Variants in LUZP2 observed in about 807,000 individuals in gnomAD.
The protein encoded by LUZP2 is leucine zipper protein 2.
Under a neutral mutation model 51.6 loss-of-function variants are expected in LUZP2, and 52 were observed. The ratio of observed to expected loss-of-function variants is 1.01; its 90% CI spans 0.81 to 1.27. The LOEUF (loss-of-function observed/expected upper bound fraction) is 1.27. Among genes scored for constraint, LUZP2 ranks in the 50% most tolerant of loss-of-function variants. The pLI, the probability that LUZP2 is intolerant of heterozygous loss-of-function variation, is 0.00. For missense variants in LUZP2, 436 were observed against 395.4 expected (o/e 1.10, Z -0.87); for synonymous variants, 154 against 137.3 (o/e 1.12, Z -0.85).
At chr11:24,566,224 A>C (rs1852207718) in intron 1 of LUZP2, among the ~76,000 whole-genome samples, 1 of 151,624 alleles carries the variant, frequency 6.6e-6, no homozygotes, top group Admixed American at 6.6e-5. Context: ...ACTGTATTAA[A>C]AAATTAAAGA....
chr11:24,829,941 C>T (rs1274745204), intron 5 of LUZP2, among the ~76,000 whole-genome samples: 3 of 152,134 alleles, frequency 2.0e-5, no homozygotes, highest in Admixed American at 6.5e-5. Context: ...GTACTCCCTG[C>T]TGTCTGTGTT....
At chr11:25,055,278 G>T (rs948529615) in intron 10 of LUZP2, among the ~76,000 whole-genome samples, 14 of 151,918 alleles carry the variant, frequency 9.2e-5, no homozygotes, top group Admixed American at 7.2e-4. Flanking sequence ...CAAAGTGCTG[G>T]GATTACAGGC....
At chr11:24,845,074 T>C (rs948722878) in intron 5 of LUZP2, among the ~76,000 whole-genome samples, 3 of 152,034 alleles carry the variant, frequency 2.0e-5, no homozygotes, top group African/African-American at 7.2e-5. Flanking sequence ...GACCTTAGAT[T>C]GGTAGATCCA....
chr11:24,626,008 C>G (rs972667299), intron 1 of LUZP2, among the ~76,000 whole-genome samples: 3 of 152,022 alleles, frequency 2.0e-5, no homozygotes, highest in Non-Finnish European at 4.4e-5. Flanking sequence ...ATAAGGGCTG[C>G]CACTTACTAA....
At chr11:24,714,825 C>T (rs959924071) in intron 1 of LUZP2, among the ~76,000 whole-genome samples, 5 of 152,124 alleles carry the variant, frequency 3.3e-5, no homozygotes, top group African/African-American at 1.2e-4. Context: ...GGAGGCATCA[C>T]CTTCTGTGCA....
intron 1 of LUZP2, among the ~76,000 whole-genome samples, chr11:24,711,109 A>C (rs996030114): frequency 2.0e-5 from 3 of 152,180 alleles, no homozygotes; most frequent in Admixed American, 1.3e-4. Flanking sequence ...TTCAAGGGCA[A>C]GCCAGAATTC....
At chr11:24,875,755 C>G (rs1040837419) in intron 5 of LUZP2, among the ~76,000 whole-genome samples, 3 of 152,168 alleles carry the variant, frequency 2.0e-5, no homozygotes, top group Non-Finnish European at 4.4e-5. Context: ...CAAATCCTCT[C>G]CAGCACCTGT....
chr11:24,777,187 G>A (rs1342045954), intron 5 of LUZP2, among the ~76,000 whole-genome samples: 1 of 151,944 alleles, frequency 6.6e-6, no homozygotes, highest in Non-Finnish European at 1.5e-5. Context: ...TAGATTCGGG[G>A]TTTCACCGTG....
At chr11:24,855,085 C>T (rs535796102) in intron 5 of LUZP2, among the ~76,000 whole-genome samples, 2 of 152,138 alleles carry the variant, frequency 1.3e-5, no homozygotes, top group Non-Finnish European at 2.9e-5. Flanking sequence ...GGTGATCTTC[C>T]GTTCTCGCCA....
At chr11:25,066,960 A>T (rs1859012894) in intron 10 of LUZP2, among the ~76,000 whole-genome samples, 1 of 152,000 alleles carries the variant, frequency 6.6e-6, no homozygotes, top group East Asian at 1.9e-4. Flanking sequence ...TGAGACATTG[A>T]ACCTACATAT....
At chr11:24,602,282 A>G (rs1367442904) in intron 1 of LUZP2, among the ~76,000 whole-genome samples, 2 of 140,800 alleles carry the variant, frequency 1.4e-5, no homozygotes, top group African/African-American at 2.9e-5. Flanking sequence ...ACATATATAC[A>G]CACATATATA....
At chr11:24,610,303 G>A (rs1207826785) in intron 1 of LUZP2, among the ~76,000 whole-genome samples, 2 of 152,108 alleles carry the variant, frequency 1.3e-5, no homozygotes, top group African/African-American at 4.8e-5. Flanking sequence ...AAACATCTAG[G>A]ACTGAAGAAA....
intron 1 of LUZP2, among the ~76,000 whole-genome samples, chr11:24,571,209 T>C (rs1379952495): frequency 7.9e-6 from 1 of 126,408 alleles, no homozygotes; most frequent in African/African-American, 3.1e-5. Flanking sequence ...TGAAAGCACT[T>C]GATCAAAGGA....
At chr11:24,871,699 T>C (rs1852079949) in intron 5 of LUZP2, among the ~76,000 whole-genome samples, 2 of 152,082 alleles carry the variant, frequency 1.3e-5, no homozygotes, top group Non-Finnish European at 2.9e-5. Flanking sequence ...CTATGAATCT[T>C]TCATAGAGCC....
At chr11:24,744,721 A>C (rs542257770) in intron 4 of LUZP2, among the ~76,000 whole-genome samples, 11 of 151,490 alleles carry the variant, frequency 7.3e-5, no homozygotes, top group Non-Finnish European at 1.5e-4. Flanking sequence ...TCCTGCTCTG[A>C]TCTTGGTTAT....
intron 9 of LUZP2, among the ~76,000 whole-genome samples, chr11:25,022,664 T>A (rs1162765291): frequency 1.3e-5 from 2 of 152,040 alleles, no homozygotes; most frequent in Non-Finnish European, 2.9e-5. Flanking sequence ...TGTGGGAAGA[T>A]AAAAGTTATC....
At chr11:24,723,753 A>G (rs1858367017) in intron 1 of LUZP2, among the ~76,000 whole-genome samples, 2 of 152,088 alleles carry the variant, frequency 1.3e-5, no homozygotes, top group Non-Finnish European at 2.9e-5. Flanking sequence ...ATGGCTTGTG[A>G]TCAGGAGTTC....
At chr11:24,601,816 C>G (rs185503772) in intron 1 of LUZP2, among the ~76,000 whole-genome samples, 1 of 148,416 alleles carries the variant, frequency 6.7e-6, no homozygotes, top group Non-Finnish European at 1.5e-5. Flanking sequence ...CAATACAAGA[C>G]TGTTTAGATA....
intron 10 of LUZP2, among the ~76,000 whole-genome samples, chr11:25,052,532 C>A (rs2134025947): frequency 6.6e-6 from 1 of 152,124 alleles, no homozygotes; most frequent in Admixed American, 6.5e-5. Context: ...AAGTCAGATT[C>A]TGAGCAATTC....
Sources: allele counts gnomAD v4.1 joint callset (sites outside exome capture counted in the v4.1 genomes callset), GRCh38; gene constraint gnomAD v4.1.1; transcripts MANE v1.5; gene names NCBI Gene and HGNC (gene_info 2026-07-23, HGNC 2026-07-21).